Variants in ZNF442 observed in about 807,000 individuals in gnomAD.
ZNF442 encodes zinc finger protein 442.
A neutral mutation model predicts 57.0 loss-of-function variants in ZNF442; 45 were observed. The observed-to-expected ratio is 0.79, with a 90% CI of 0.62 to 1.01. The LOEUF is 1.01. ZNF442 is among the 50% of genes least tolerant of loss of function. ZNF442 has a pLI of 0.00. For synonymous variants in ZNF442, 213 were observed against 241.8 expected, an observed-to-expected ratio of 0.88 and a Z score of 1.10; for missense variants, 690 against 756.5, an observed-to-expected ratio of 0.91 and a Z score of 1.03.
chr19:12,356,986 CA>C (rs1239066966), intron 3 of ZNF442, among the ~76,000 whole-genome samples: 1 of 152,100 alleles, frequency 6.6e-6, no homozygotes, highest in African/African-American at 2.4e-5. Flanking sequence ...ATATTTTCAA[CA>C]ACATCATAAG....
In ZNF442 at chr19:12,363,418, T is replaced by G. The variant is rs1969473532; in HGVS notation, c.78+136A>C. On this transcript the variant is annotated intron_variant, in intron 3 of 5. Transcript: ENST00000242804. ...TCCTGGGACATTAGTCACCCCCATC[T>G]GCTCAGTAAAGTGCTCAGTGACCAC... 8.0e-6 allele frequency: 6 copies of G among 754,264 alleles called. No homozygotes were observed. The South Asian group carries it at 1.0e-4, about 13-fold the overall frequency. The allele number at this position is 754,264 out of a possible 1,614,324, so 46.7% of individuals were successfully genotyped here.
the ZNF442 span, chr19:12,373,711 G>A: frequency 1.5e-5 from 4 of 270,992 alleles, no homozygotes; most frequent in Admixed American, 6.8e-5. Flanking sequence ...GAAGGATGTA[G>A]GTTTCATTAA....
chr19:12,355,651 G>C (rs1341811013), intron 3 of ZNF442, among the ~76,000 whole-genome samples: 1 of 150,554 alleles, frequency 6.6e-6, no homozygotes, highest in African/African-American at 2.4e-5. Context: ...GAGCCACCGT[G>C]CCTGGCCGAG....
chr19:12,370,511 A>C (rs1383476658), upstream of ZNF442, among the ~76,000 whole-genome samples: 1 of 152,034 alleles, frequency 6.6e-6, no homozygotes, highest in African/African-American at 2.4e-5. Flanking sequence ...CCCTGATCTA[A>C]AGGCAACAAG....
Position 12,350,096 on chromosome 19 carries a change from A to T in ZNF442, c.1489T>A (p.Phe497Ile). The change falls in exon 6 of 6, where the codon TTC becomes ATC. Residue 497 changes from phenylalanine (F) to isoleucine (I), a missense_variant. Transcript: ENST00000242804. ...TGAGAAAGGTATGTGAAACAACTGAATGCTTTCCCACATTCCTTACACTCA... is the reference window on the plus strand; with the variant it reads ...TGAGAAAGGTATGTGAAACAACTGATTGCTTTCCCACATTCCTTACACTCA... Reference protein sequence around the residue: ...PYECKECGKAFSCFTYLSQHR... With the variant: ...PYECKECGKAISCFTYLSQHR... 2 of 1,611,864 alleles carry T rather than the reference A, an allele frequency of 1.2e-6. No homozygotes were observed. The highest frequency in any genetic ancestry group is 1.7e-6 in the Non-Finnish European group (2 of 1,179,376).
At chr19:12,361,684 G>A (rs926459422) in intron 3 of ZNF442, among the ~76,000 whole-genome samples, 1 of 69,796 alleles carries the variant, frequency 1.4e-5, no homozygotes, top group African/African-American at 6.0e-5. Flanking sequence ...CTCCCCCTCT[G>A]CCTCCCCCTC....
In ZNF442 at chr19:12,349,962, C is replaced by T; in HGVS notation, c.1623G>A (p.Glu541=). 1 of 1,614,208 alleles carries T rather than the reference C, an allele frequency of 6.2e-7. No homozygotes were observed. The highest frequency in any genetic ancestry group is 8.5e-7 in the Non-Finnish European group (1 of 1,180,014). ...LKVHERIHTG[E]KPYECKECRK... ...TGCATTCCTTACATTCATATGGCTT[C>T]TCTCCAGTGTGAATCCTTTCATGGA... Residue 541 remains glutamate, a synonymous_variant, in exon 6 of 6, where the codon GAG becomes GAA. Transcript: ENST00000242804.
At chr19:12,355,006 A>C (rs1279822727) in intron 3 of ZNF442, among the ~76,000 whole-genome samples, 1 of 152,062 alleles carries the variant, frequency 6.6e-6, no homozygotes, top group Non-Finnish European at 1.5e-5. Flanking sequence ...TAAAGACAAA[A>C]CTAGGCCAGG....
At chr19:12,370,288 C>T (rs529069457), upstream of ZNF442, among the ~76,000 whole-genome samples, 27 of 151,818 alleles carry the variant, frequency 1.8e-4, no homozygotes, top group South Asian at 2.5e-3. Context: ...CCCTTGTGTG[C>T]GCAGCTCACA....
Position 12,353,122 on chromosome 19 carries a change from A to G in ZNF442, c.79-8T>C. 6.2e-7 allele frequency: 1 copy of G among 1,606,402 alleles called. No homozygotes were observed. Among genetic ancestry groups the G allele is most frequent in the African/African-American group, 1.3e-5 (1 of 74,464 alleles). On this transcript the variant is annotated splice_polypyrimidine_tract_variant and splice_region_variant and intron_variant, in intron 3 of 5. Transcript: ENST00000242804. ...CTCAAAGGCTACTGAATCCTGAAAC[A>G]CCCCACATGTACAAAGGAGTAAGGC...
intron 5 of ZNF442, among the ~76,000 whole-genome samples, chr19:12,351,591 C>T (rs556782891): frequency 2.6e-5 from 4 of 152,130 alleles, no homozygotes; most frequent in South Asian, 2.1e-4. Flanking sequence ...CTGCAACCTC[C>T]GCCTCCCAGG....
intron 3 of ZNF442, among the ~76,000 whole-genome samples, chr19:12,358,031 C>T (rs1047544757): frequency 6.7e-5 from 10 of 150,246 alleles, no homozygotes; most frequent in African/African-American, 2.0e-4. Context: ...GGCGCGATCT[C>T]GGCTCACTGC....
upstream of ZNF442, among the ~76,000 whole-genome samples, chr19:12,366,335 C>G (rs943681117): frequency 6.6e-6 from 1 of 152,164 alleles, no homozygotes; most frequent in Non-Finnish European, 1.5e-5. Flanking sequence ...CAGCAGGAAA[C>G]CCCCTTTCAG....
rs185531598 is a variant in ZNF442 at position 12,362,156 on chromosome 19, G to A, written c.78+1398C>T. On this transcript the variant is annotated intron_variant, in intron 3 of 5. Transcript: ENST00000242804. Reference sequence around the variant, plus strand: ...CTGGCTGCCACCCCATCTGGGAAGCGAGGAGCATCTCTGCCTGGCTGCCCA... The same window carrying A: ...CTGGCTGCCACCCCATCTGGGAAGCAAGGAGCATCTCTGCCTGGCTGCCCA... 3.2e-4 allele frequency among the ~76,000 whole-genome samples: 48 copies of A among 152,306 alleles called. No individual in the cohort carries two copies. The East Asian group carries it at 8.1e-3, about 26-fold the overall frequency.
intron 2 of ZNF442, 30 bp from the exon 3 acceptor site, chr19:12,363,701 C>T: frequency 2.8e-6 from 4 of 1,408,362 alleles, no homozygotes; most frequent in Non-Finnish European, 4.0e-6. Flanking sequence ...AGGTGATTGT[C>T]CCAAGGGTTA....
chr19:12,369,366 C>T (rs1163604136), upstream of ZNF442, among the ~76,000 whole-genome samples: 3 of 152,214 alleles, frequency 2.0e-5, no homozygotes, highest in Non-Finnish European at 4.4e-5. Flanking sequence ...CGCCTGTAAT[C>T]CCAGCACTTT....
chr19:12,358,081 C>T (rs185650467), intron 3 of ZNF442, among the ~76,000 whole-genome samples: 1 of 151,910 alleles, frequency 6.6e-6, no homozygotes, highest in South Asian at 2.1e-4. Flanking sequence ...TCTGCCTCAG[C>T]CTCCCAAGTA....
Position 12,365,630 on chromosome 19 carries a change from C to T in ZNF442, c.-580G>A. The stretch of plus-strand genomic sequence containing the variant: ...AGTGCCTGCCACTGACCTGCCAGGG[C>T]TTCTCTCAGCTACAGAGCCAGGAGC... On this transcript the variant is annotated 5_prime_UTR_variant, in exon 1 of 6. Transcript: ENST00000242804. 3.8e-6 allele frequency: 1 copy of T among 261,546 alleles called. No homozygotes were observed. The highest frequency in any genetic ancestry group is 5.5e-5 in the South Asian group (1 of 18,316). The allele number at this position is 261,546 out of a possible 1,614,324, so 16.2% of individuals were successfully genotyped here.
At chr19:12,370,600 C>T (rs1969572614), upstream of ZNF442, among the ~76,000 whole-genome samples, 2 of 151,986 alleles carry the variant, frequency 1.3e-5, no homozygotes. Context: ...CCTGAAGCTC[C>T]CAGGCCATCT....
Sources: allele counts gnomAD v4.1 joint callset (sites outside exome capture counted in the v4.1 genomes callset), GRCh38; gene constraint gnomAD v4.1.1; transcripts MANE v1.5; gene names NCBI Gene and HGNC (gene_info 2026-07-23, HGNC 2026-07-21).